The following ARL14EP variants were observed in gnomAD, a reference collection of about 807,000 sequenced individuals.
The protein encoded by ARL14EP is ARF like GTPase 14 effector protein.
In ARL14EP, 12 loss-of-function variants were observed where a neutral mutation model predicts 23.1. The observed-to-expected ratio is 0.52, with a 90% confidence interval of 0.33 to 0.84. ARL14EP has a LOEUF of 0.84. Among genes scored for constraint, ARL14EP ranks in the 40% least tolerant of loss-of-function variants. ARL14EP has a pLI of 0.02. For synonymous variants in ARL14EP, 97 were observed against 102.0 expected (o/e 0.95, Z 0.29); for missense variants, 253 against 307.3 (o/e 0.82, Z 1.32).
chr11:30,333,041 GC>G, intron 3 of ARL14EP, 48 bp downstream of exon 3: 1 of 1,604,096 alleles, frequency 6.2e-7, no homozygotes, highest in Non-Finnish European at 8.5e-7. Flanking sequence ...CTTCACATCT[GC>G]ATTGTTCCCC....
In ARL14EP at chr11:30,332,909, C is replaced by T. The variant is rs753560560; in HGVS notation, c.470C>T (p.Pro157Leu). The T allele has an allele frequency of 6.2e-7, 1 of 1,613,544 alleles. No homozygotes were observed. Among genetic ancestry groups the T allele is most frequent in the Non-Finnish European group, 8.5e-7 (1 of 1,179,664 alleles). The part of the protein sequence containing the change: ...KALRSLQFTN[P>L]GRQTEFAPET... The stretch of plus-strand genomic sequence containing the variant: ...TTGAGGTCATTACAATTTACGAATC[C>T]AGGAAGGCAAACTGAATTTGCTCCA... The change falls in exon 3 of 4, where the codon CCA (proline) becomes CTA (leucine). Residue 157 changes from proline to leucine, a missense_variant. Pro to Leu is a moderately conservative substitution (Grantham distance 98, BLOSUM62 -3). Transcript: ENST00000282032.
intron 1 of ARL14EP, 49 bp from the exon 2 acceptor site, chr11:30,330,837 C>T: frequency 2.0e-6 from 2 of 995,910 alleles, no homozygotes; most frequent in Non-Finnish European, 3.0e-6. Context: ...TTTCAGTTTC[C>T]TAGATAAACT....
At chr11:30,326,187 A>AT (rs1182677357) in intron 1 of ARL14EP, among the ~76,000 whole-genome samples, 6 of 152,148 alleles carry the variant, frequency 3.9e-5, no homozygotes, top group African/African-American at 1.4e-4. Context: ...TTAAATTTAA[A>AT]TTTTTTAATT....
At chr11:30,329,488 A>G (rs1947265790) in intron 1 of ARL14EP, 1 of 152,228 alleles carries the variant, frequency 6.6e-6, no homozygotes, top group Non-Finnish European at 1.5e-5. Flanking sequence ...CCCAAGGTGT[A>G]TGCTTCCTCA....
intron 3 of ARL14EP, 63 bp from the exon 4 acceptor site, chr11:30,336,498 TACTGTA>T: frequency 7.7e-7 from 1 of 1,296,266 alleles, no homozygotes; most frequent in South Asian, 1.3e-5. Context: ...TTTTTTTTTT[TACTGTA>T]TTTTCAATTA....
At position 30,330,888 on chromosome 11, in the gene ARL14EP, T is replaced by G; in HGVS notation, c.-61T>G. 1.3e-6 allele frequency: 2 copies of G among 1,493,334 alleles called. No homozygotes were observed. The highest frequency in any genetic ancestry group is 3.4e-5 in the Admixed American group (2 of 58,580). 92.5% of individuals were successfully genotyped at this position (1,493,334 alleles called of 1,614,324 possible). On this transcript the variant is annotated splice_region_variant and 5_prime_UTR_variant, in exon 2 of 4. Transcript: ENST00000282032. ...ATTCTCTTTAATATTTTCTCTAGGGTGATCAGCCCATGACCTAAACCTCCA... is the reference window on the plus strand; with the variant it reads ...ATTCTCTTTAATATTTTCTCTAGGGGGATCAGCCCATGACCTAAACCTCCA...
At chr11:30,323,258 C>G in intron 1 of ARL14EP, 56 bp downstream of exon 1, 1 of 153,068 alleles carries the variant, frequency 6.5e-6, no homozygotes, top group East Asian at 1.9e-4. Flanking sequence ...AGACAGGCCC[C>G]TGGGTGGCGA....
At position 30,331,290 on chromosome 11, in the gene ARL14EP, G is replaced by C; in HGVS notation, c.342G>C (p.Lys114Asn). 1 of 1,613,952 alleles carries C rather than the reference G, an allele frequency of 6.2e-7. No homozygotes were observed. The highest frequency in any genetic ancestry group is 8.5e-7 in the Non-Finnish European group (1 of 1,179,878). The change falls in exon 2 of 4, where the codon AAG becomes AAC. Residue 114 changes from lysine (K) to asparagine (N), a missense_variant. By Grantham distance (94) the Lys-to-Asn change is moderately conservative. Coordinates refer to ENST00000282032, the MANE Select transcript of ARL14EP (RefSeq NM_152316.3). Reference sequence around the variant, plus strand: ...GAAGACAGCTTGTACCTGGTTGGAAGCTTTGTCCAAAATGCACACAGATAA... The same window carrying C: ...GAAGACAGCTTGTACCTGGTTGGAACCTTTGTCCAAAATGCACACAGATAA... The part of the protein sequence containing the change: ...KFGRQLVPGW[K>N]LCPKCTQIIN...
At position 30,337,696 on chromosome 11, in the gene ARL14EP, T is replaced by G. The variant is rs1239063582; in HGVS notation, c.*901T>G. The G allele has an allele frequency of 1.3e-5, 2 of 152,056 alleles. No homozygotes were observed. The highest frequency in any genetic ancestry group is 4.8e-5 in the African/African-American group (2 of 41,412). 9.4% of individuals were successfully genotyped at this position (152,056 alleles called of 1,614,324 possible). On this transcript the variant is annotated 3_prime_UTR_variant, in exon 4 of 4. Coordinates refer to ENST00000282032, the MANE Select transcript of ARL14EP (RefSeq NM_152316.3). ...TGAATATAGAAATATTTCACAACAT[T>G]GAAAGCACAAGCAATAAAAGGGTGG...
intron 2 of ARL14EP, 149 bp from the exon 3 acceptor site, chr11:30,332,717 T>C: frequency 1.2e-6 from 1 of 830,976 alleles, no homozygotes; most frequent in Non-Finnish European, 1.8e-6. Context: ...TAAATTTTCT[T>C]GCACTTAGGC....
chr11:30,323,749 G>A (rs1947214498), intron 1 of ARL14EP, among the ~76,000 whole-genome samples: 1 of 152,104 alleles, frequency 6.6e-6, no homozygotes, highest in African/African-American at 2.4e-5. Flanking sequence ...GGGTTGGGTT[G>A]GGAATCATTG....
At chr11:30,327,239 A>G (rs1176975002) in intron 1 of ARL14EP, among the ~76,000 whole-genome samples, 1 of 152,210 alleles carries the variant, frequency 6.6e-6, no homozygotes, top group Non-Finnish European at 1.5e-5. Context: ...AGTCTATTCC[A>G]TTAGTTTCCT....
chr11:30,325,269 A>G (rs1947228114), intron 1 of ARL14EP, among the ~76,000 whole-genome samples: 1 of 152,214 alleles, frequency 6.6e-6, no homozygotes, highest in Non-Finnish European at 1.5e-5. Context: ...AGTTTGATTA[A>G]CAAGTATTTT....
chr11:30,327,407 T>C (rs1227426371), intron 1 of ARL14EP, among the ~76,000 whole-genome samples: 1 of 152,210 alleles, frequency 6.6e-6, no homozygotes, highest in Admixed American at 6.5e-5. Flanking sequence ...AAAAATGTAT[T>C]ATTACTATGG....
At chr11:30,326,611 A>G (rs1050815081) in intron 1 of ARL14EP, among the ~76,000 whole-genome samples, 2 of 152,198 alleles carry the variant, frequency 1.3e-5, no homozygotes, top group African/African-American at 4.8e-5. Context: ...GGAAATGAGA[A>G]CATTGAGGAA....
At chr11:30,332,792 T>TTAACAA in intron 2 of ARL14EP, 74 bp from the exon 3 acceptor site, 1 of 1,565,908 alleles carries the variant, frequency 6.4e-7, no homozygotes, top group South Asian at 1.1e-5. Flanking sequence ...ATCGTCTGGT[T>TTAACAA]TAACATTAAA....
rs900407506 is a variant in ARL14EP, at chr11:30,331,598, C to T, written c.426+224C>T. ...CTGGGAAAGTAATAATAAAATATGC[C>T]TAAGACTCCAAGCTACAACTTTTAG... On this transcript the variant is annotated intron_variant, in intron 2 of 3. Transcript: ENST00000282032. The T allele has an allele frequency of 2.9e-6, 4 of 1,391,862 alleles. No homozygotes were observed. The African/African-American group carries it at 5.8e-5, about 20-fold the overall frequency. The allele number at this position is 1,391,862 out of a possible 1,614,324, so 86.2% of individuals were successfully genotyped here.
chr11:30,337,071 G>A lies in ARL14EP; in HGVS notation c.*276G>A. Reference sequence around the variant, plus strand: ...ATGTTTCCCATGGGCACAAATTTCAGTGACCTAGATTTAGTTTAAATACCA... The same window carrying A: ...ATGTTTCCCATGGGCACAAATTTCAATGACCTAGATTTAGTTTAAATACCA... On this transcript the variant is annotated 3_prime_UTR_variant, in exon 4 of 4. Transcript: ENST00000282032. The A allele has an allele frequency of 2.5e-6, 1 of 394,004 alleles. No homozygotes were observed. Among genetic ancestry groups the A allele is most frequent in the Non-Finnish European group, 4.6e-6 (1 of 215,438 alleles). 24.4% of individuals were successfully genotyped at this position (394,004 alleles called of 1,614,324 possible). A position where few individuals can be genotyped will look rare whatever the true frequency, so the allele number is the denominator to read the frequency against.
At chr11:30,324,427 A>G (rs1183161570) in intron 1 of ARL14EP, among the ~76,000 whole-genome samples, 2 of 152,204 alleles carry the variant, frequency 1.3e-5, no homozygotes, top group African/African-American at 4.8e-5. Flanking sequence ...GGAAATTAAC[A>G]TATTGGAACG....
Sources: gnomAD v4.1 joint callset for allele counts (sites outside exome capture counted in the v4.1 genomes callset) on GRCh38, gnomAD v4.1.1 for gene constraint, MANE v1.5 for transcripts, NCBI Gene and HGNC (gene_info 2026-07-23, HGNC 2026-07-21) for gene names.